UTRN: variants seen among roughly 807,000 people sequenced by gnomAD.
UTRN encodes dystrophin-related protein 1.
UTRN carries 283 observed loss-of-function variants against 463.9 expected under a neutral mutation model. The observed-to-expected ratio is 0.61, with a 90% CI of 0.55 to 0.67. UTRN has a LOEUF of 0.67. Among genes scored for constraint, UTRN ranks in the 30% least tolerant of loss-of-function variants. The pLI, the probability that UTRN is intolerant of heterozygous loss-of-function variation, is 0.00. For missense variants in UTRN, 3,922 were observed against 4,084.3 expected (o/e 0.96, Z 1.08); for synonymous variants, 1,442 against 1,431.5 (o/e 1.01, Z -0.17).
intron 55 of UTRN, among the ~76,000 whole-genome samples, chr6:144,750,462 CACATGTTGACTTCAA>C (rs1791270310): frequency 6.6e-6 from 1 of 152,106 alleles, no homozygotes; most frequent in African/African-American, 2.4e-5. Context: ...TCTTACTTTA[CACATGTTGACTTCAA>C]ACTTCCAACA....
rs1025394888 is a variant in UTRN at position 144,435,930 on chromosome 6, T to C, written c.856-5T>C. ...TGTGGGTTTTTCTTGGCTTTGTTTT[T>C]ACAGAGTACAGCGCCTGAGGAGGAG... On this transcript the variant is annotated splice_region_variant and splice_polypyrimidine_tract_variant and intron_variant, in intron 9 of 74. Coordinates refer to ENST00000367545, the MANE Select transcript of UTRN (RefSeq NM_007124.3). 1.9e-6 allele frequency: 3 copies of C among 1,613,238 alleles called. No homozygotes were observed. Among genetic ancestry groups the C allele is most frequent in the African/African-American group, 2.7e-5 (2 of 74,932 alleles).
intron 45 of UTRN, 86 bp from the exon 46 acceptor site, chr6:144,542,709 C>T (rs1798079486): frequency 3.7e-6 from 5 of 1,337,268 alleles, no homozygotes; most frequent in Non-Finnish European, 5.1e-6. Flanking sequence ...GCAGAGCTGC[C>T]ATTCAGAATA....
intron 51 of UTRN, among the ~76,000 whole-genome samples, chr6:144,619,344 C>T (rs1775110807): frequency 6.6e-6 from 1 of 152,154 alleles, no homozygotes; most frequent in African/African-American, 2.4e-5. Flanking sequence ...TTAAGCAGTG[C>T]CTTCTACTTT....
intron 54 of UTRN, among the ~76,000 whole-genome samples, chr6:144,747,320 G>A (rs938417185): frequency 6.6e-6 from 1 of 152,234 alleles, no homozygotes; most frequent in Non-Finnish European, 1.5e-5. Flanking sequence ...AGATAGGAAA[G>A]GAGGTATTTT....
At chr6:144,318,584 C>T (rs1775428475) in intron 2 of UTRN, among the ~76,000 whole-genome samples, 1 of 152,220 alleles carries the variant, frequency 6.6e-6, no homozygotes. Flanking sequence ...ATGCCTCAGC[C>T]TCCCGAGTAG....
intron 12 of UTRN, 39 bp downstream of exon 12, chr6:144,438,934 A>G: frequency 6.2e-7 from 1 of 1,604,132 alleles, no homozygotes; most frequent in South Asian, 1.1e-5. Flanking sequence ...CTTATCAAAT[A>G]TGAAAGAGCA....
intron 25 of UTRN, among the ~76,000 whole-genome samples, chr6:144,479,114 G>T (rs531142816): frequency 8.8e-4 from 101 of 114,790 alleles, no homozygotes; most frequent in Admixed American, 1.6e-3. Context: ...GCTTCTAGGG[G>T]TTTTTTTTTT....
intron 63 of UTRN, 125 bp downstream of exon 63, chr6:144,794,116 A>G: frequency 7.5e-7 from 1 of 1,328,954 alleles, no homozygotes; most frequent in South Asian, 1.6e-5. Flanking sequence ...CCATCCAACA[A>G]GTGGTGTATT....
chr6:144,577,756 A>C (rs111550297), intron 51 of UTRN, among the ~76,000 whole-genome samples: 4,228 of 152,304 alleles, frequency 0.028, 203 homozygotes, highest in African/African-American at 0.097. Flanking sequence ...GTGATTGTAT[A>C]TGTAGTCTGA....
intron 50 of UTRN, among the ~76,000 whole-genome samples, chr6:144,558,005 G>A (rs1799543570): frequency 1.3e-5 from 2 of 152,096 alleles, no homozygotes; most frequent in African/African-American, 4.8e-5. Flanking sequence ...ATATAGTACT[G>A]GGAATGCCTG....
chr6:144,299,700 G>C (rs1330243260), intron 2 of UTRN, among the ~76,000 whole-genome samples: 1 of 152,046 alleles, frequency 6.6e-6, no homozygotes, highest in African/African-American at 2.4e-5. Flanking sequence ...TCAGCTTAGA[G>C]TCCGCTGATG....
At chr6:144,560,590 A>G (rs1342152940) in intron 50 of UTRN, among the ~76,000 whole-genome samples, 2 of 152,136 alleles carry the variant, frequency 1.3e-5, no homozygotes, top group Non-Finnish European at 2.9e-5. Context: ...TGCACATGGA[A>G]TACTGTGCAG....
At chr6:144,432,481 T>A (rs373528481) in intron 9 of UTRN, among the ~76,000 whole-genome samples, 4 of 152,334 alleles carry the variant, frequency 2.6e-5, no homozygotes, top group African/African-American at 9.6e-5. Flanking sequence ...TTTCAGCAGG[T>A]ACGTCTTATG....
chr6:144,494,860 C>T (rs957540528), intron 33 of UTRN, among the ~76,000 whole-genome samples: 6 of 150,548 alleles, frequency 4.0e-5, no homozygotes, highest in Non-Finnish European at 5.9e-5. Flanking sequence ...GGTGTATTTA[C>T]AATCCCTTAG....
chr6:144,482,936 G>A (rs1319449623), intron 27 of UTRN, among the ~76,000 whole-genome samples: 1 of 151,946 alleles, frequency 6.6e-6, no homozygotes. Flanking sequence ...AAATGTAGAT[G>A]AGTCTATGAA....
chr6:144,691,695 A>C (rs1042497862), intron 52 of UTRN, among the ~76,000 whole-genome samples: 20 of 152,002 alleles, frequency 1.3e-4, no homozygotes, highest in African/African-American at 3.9e-4. Context: ...TACTCTCTCT[A>C]TCCCTTGTCT....
At chr6:144,762,807 A>G (rs1247390431) in intron 58 of UTRN, among the ~76,000 whole-genome samples, 2 of 152,166 alleles carry the variant, frequency 1.3e-5, no homozygotes, top group African/African-American at 4.8e-5. Flanking sequence ...GTCCTAAGGG[A>G]CTTGAAACAC....
At chr6:144,716,952 A>T (rs1323706748) in intron 53 of UTRN, among the ~76,000 whole-genome samples, 1 of 152,208 alleles carries the variant, frequency 6.6e-6, no homozygotes, top group African/African-American at 2.4e-5. Context: ...AAATAATGTT[A>T]TAATGAACAC....
intron 45 of UTRN, 125 bp downstream of exon 45, chr6:144,539,568 A>C: frequency 1.0e-6 from 1 of 955,866 alleles, no homozygotes; most frequent in Non-Finnish European, 1.5e-6. Context: ...AAAGCTTACT[A>C]ATGTTTATAT....
Sources: allele counts gnomAD v4.1 joint callset (sites outside exome capture counted in the v4.1 genomes callset), GRCh38; gene constraint gnomAD v4.1.1; transcripts MANE v1.5; gene names NCBI Gene and HGNC (gene_info 2026-07-23, HGNC 2026-07-21).